Variants in ANO5 observed in about 807,000 individuals in gnomAD.
ANO5 encodes anoctamin 5, also known as anoctamin-5.
In ANO5, 109 loss-of-function variants were observed where a neutral mutation model predicts 121.0. The ratio of observed to expected loss-of-function variants is 0.90; its 90% confidence interval spans 0.77 to 1.06. The LOEUF (loss-of-function observed/expected upper bound fraction) is 1.06, where lower values mean the gene tolerates loss of function less well. Among genes scored for constraint, ANO5 ranks in the 50% least tolerant of loss-of-function variants. The pLI, the probability that ANO5 is intolerant of heterozygous loss-of-function variation, is 0.00. For missense variants in ANO5, 1,064 were observed against 1,078.5 expected (o/e 0.99, Z 0.19); for synonymous variants, 406 against 359.9 (o/e 1.13, Z -1.45).
intron 16 of ANO5, 129 bp from the exon 17 acceptor site, chr11:22,262,817 A>G: frequency 1.3e-6 from 1 of 751,042 alleles, no homozygotes; most frequent in African/African-American, 1.7e-5. Flanking sequence ...CTATTGGGCT[A>G]AATATATCTT....
At chr11:22,245,110 G>T (rs1853575058) in intron 9 of ANO5, among the ~76,000 whole-genome samples, 3 of 152,092 alleles carry the variant, frequency 2.0e-5, no homozygotes, top group Non-Finnish European at 4.4e-5. Flanking sequence ...CTTGCCTTGG[G>T]TTTCACAGTT....
intron 9 of ANO5, among the ~76,000 whole-genome samples, chr11:22,244,008 CTA>C (rs766554029): frequency 1.7e-4 from 15 of 90,338 alleles, no homozygotes; most frequent in Non-Finnish European, 3.1e-4. Context: ...TGTCTTTGGG[CTA>C]TGTGTTTAAG....
intron 1 of ANO5, among the ~76,000 whole-genome samples, chr11:22,199,429 C>G (rs1851899803): frequency 6.6e-6 from 1 of 151,990 alleles, no homozygotes; most frequent in South Asian, 2.1e-4. Flanking sequence ...CATTACTACA[C>G]CATATAATTG....
At chr11:22,222,342 A>C (rs1360187859) in intron 5 of ANO5, among the ~76,000 whole-genome samples, 2 of 151,904 alleles carry the variant, frequency 1.3e-5, no homozygotes, top group African/African-American at 2.4e-5. Context: ...ATATCAATTC[A>C]TACTTAGATG....
rs746448319 is a variant in ANO5, at chr11:22,225,968, T to A, written c.295-16T>A. 1.0e-5 allele frequency: 15 copies of A among 1,481,464 alleles called. No homozygotes were observed. Among genetic ancestry groups the A allele is most frequent in the Non-Finnish European group, 1.3e-5 (14 of 1,068,916 alleles). The allele number at this position is 1,481,464 out of a possible 1,614,324, so 91.8% of individuals were successfully genotyped here. A position where few individuals can be genotyped will look rare whatever the true frequency, so the allele number is the denominator to read the frequency against. On this transcript the variant is annotated splice_polypyrimidine_tract_variant and intron_variant, in intron 5 of 21. Coordinates refer to ENST00000324559, the MANE Select transcript of ANO5 (RefSeq NM_213599.3). The stretch of plus-strand genomic sequence containing the variant: ...AAAGCATTCTGCATAATTCTGTTGA[T>A]TTTTTTTTGTCATAGGAAAGAAGAA...
At chr11:22,271,081 C>T (rs1170159610) in intron 18 of ANO5, among the ~76,000 whole-genome samples, 1 of 152,170 alleles carries the variant, frequency 6.6e-6, no homozygotes, top group East Asian at 1.9e-4. Flanking sequence ...GAGACAGAGT[C>T]TCGCTCTGTC....
Position 22,193,525 on chromosome 11 carries a change from G to T in ANO5, c.33G>T (p.Ala11=). MGDPDLLEVL[A]EEGEKVNKHI... is the part of the protein sequence containing the mutation. ...ACCCGGATCTCCTGGAAGTGTTGGC[G>T]GAGGAAGGTAGGACCGCGCCAAGAG... is the stretch of plus-strand genomic sequence containing the variant. The change falls in exon 1 of 22, where the codon GCG becomes GCT. Residue 11 remains alanine (A), a synonymous_variant. Transcript: ENST00000324559. The T allele has an allele frequency of 6.2e-7, 1 of 1,612,882 alleles. No individual in the cohort carries two copies. The highest frequency in any genetic ancestry group is 1.3e-5 in the African/African-American group (1 of 75,058).
At chr11:22,274,888 C>T (rs1854775592) in intron 20 of ANO5, 141 bp downstream of exon 20, 2 of 1,138,076 alleles carry the variant, frequency 1.8e-6, no homozygotes, top group Admixed American at 4.1e-5. Context: ...TGTATCCATT[C>T]TAGAATTCAC....
chr11:22,195,102 CT>C (rs1851765518), intron 1 of ANO5, among the ~76,000 whole-genome samples: 1 of 152,040 alleles, frequency 6.6e-6, no homozygotes, highest in African/African-American at 2.4e-5. Context: ...TTGTTATTGT[CT>C]TTTTTATTAT....
chr11:22,200,571 T>C (rs2133504266), intron 1 of ANO5, among the ~76,000 whole-genome samples: 1 of 152,294 alleles, frequency 6.6e-6, no homozygotes, highest in East Asian at 1.9e-4. Flanking sequence ...TTTTGTTTCT[T>C]TTTGTACTGA....
At chr11:22,211,995 CTT>C (rs5790243) in intron 3 of ANO5, among the ~76,000 whole-genome samples, 25,072 of 149,074 alleles carry the variant, frequency 0.17, 4,256 homozygotes, top group African/African-American at 0.44. Context: ...TTTATTTTTA[CTT>C]TTTTTTTTTT....
intron 7 of ANO5, among the ~76,000 whole-genome samples, chr11:22,233,207 T>C (rs2133635735): frequency 6.6e-6 from 1 of 152,118 alleles, no homozygotes; most frequent in South Asian, 2.1e-4. Flanking sequence ...ATGAGTATGC[T>C]GCCTTTTTTG....
At chr11:22,273,837 A>T (rs1854725519) in intron 19 of ANO5, among the ~76,000 whole-genome samples, 1 of 152,124 alleles carries the variant, frequency 6.6e-6, no homozygotes, top group Admixed American at 6.5e-5. Flanking sequence ...TTTGAAATAT[A>T]TTTGAAATGA....
rs139275387 is a variant in ANO5, at chr11:22,208,531, G to A, written c.88-2733G>A. Among the ~76,000 whole-genome samples, 442 of 152,128 alleles carry A rather than the reference G, an allele frequency of 2.9e-3. 3 individuals carry two copies. The highest frequency in any genetic ancestry group is 0.01 in the African/African-American group (422 of 41,552). ...TAAGGGACATGGATGTTGAGGGGAA[G>A]GAAAATGGACATAAATTTAAAAGGG... On this transcript the variant is annotated intron_variant, in intron 2 of 21. Coordinates refer to ENST00000324559, the MANE Select transcript of ANO5 (RefSeq NM_213599.3).
chr11:22,213,826 C>T (rs547830645), intron 3 of ANO5, among the ~76,000 whole-genome samples: 2 of 152,044 alleles, frequency 1.3e-5, no homozygotes, highest in Admixed American at 1.3e-4. Context: ...ATGTTATAAA[C>T]CAAATACTAC....
intron 8 of ANO5, among the ~76,000 whole-genome samples, chr11:22,237,567 T>G (rs1853265365): frequency 6.6e-6 from 1 of 152,044 alleles, no homozygotes; most frequent in Non-Finnish European, 1.5e-5. Flanking sequence ...ATTTTTGTAT[T>G]TTTAGTAGAG....
At chr11:22,235,463 A>C (rs1853182981) in intron 7 of ANO5, among the ~76,000 whole-genome samples, 1 of 152,110 alleles carries the variant, frequency 6.6e-6, no homozygotes, top group Admixed American at 6.6e-5. Flanking sequence ...CCAATCAAAA[A>C]GTCCTTGAAT....
intron 13 of ANO5, 24 bp downstream of exon 13, chr11:22,255,546 G>A (rs1281836159): frequency 1.2e-6 from 2 of 1,611,226 alleles, no homozygotes; most frequent in Non-Finnish European, 1.7e-6. Context: ...CTGTGAAACG[G>A]ACAGCATATC....
chr11:22,213,851 C>A (rs1182155565), intron 3 of ANO5, among the ~76,000 whole-genome samples: 3 of 151,648 alleles, frequency 2.0e-5, no homozygotes, highest in Non-Finnish European at 4.4e-5. Context: ...TTTTCTTGCT[C>A]AAATTGTTCT....
Sources: allele counts gnomAD v4.1 joint callset (sites outside exome capture counted in the v4.1 genomes callset), GRCh38; gene constraint gnomAD v4.1.1; transcripts MANE v1.5; gene names NCBI Gene and HGNC (gene_info 2026-07-23, HGNC 2026-07-21).